PDE4B: variants seen among roughly 807,000 people sequenced by gnomAD.
The protein encoded by PDE4B is 3',5'-cyclic-AMP phosphodiesterase 4B.
In PDE4B, 20 loss-of-function variants were observed where a neutral mutation model predicts 82.2. The observed-to-expected ratio is 0.24, with a 90% CI of 0.17 to 0.35. The LOEUF (loss-of-function observed/expected upper bound fraction) is 0.35, where lower values mean the gene tolerates loss of function less well. Among genes scored for constraint, PDE4B ranks in the 10% least tolerant of loss-of-function variants. PDE4B has a pLI of 1.00. For synonymous variants in PDE4B, 320 were observed against 318.9 expected (o/e 1.00, Z -0.04); for missense variants, 655 against 907.2 (o/e 0.72, Z 3.57).
At chr1:65,842,173 G>C (rs771383650) in intron 1 of PDE4B, among the ~76,000 whole-genome samples, 1 of 152,066 alleles carries the variant, frequency 6.6e-6, no homozygotes, top group Non-Finnish European at 1.5e-5. Flanking sequence ...TGCTAATCCA[G>C]TCATGCCAGG....
At chr1:66,277,806 C>G (rs566852059) in intron 7 of PDE4B, among the ~76,000 whole-genome samples, 1 of 152,312 alleles carries the variant, frequency 6.6e-6, no homozygotes, top group South Asian at 2.1e-4. Context: ...CAGCTCCTGC[C>G]CCTTCCATGT....
At chr1:66,365,458 A>G (rs1156553806) in intron 12 of PDE4B, among the ~76,000 whole-genome samples, 1 of 152,180 alleles carries the variant, frequency 6.6e-6, no homozygotes, top group African/African-American at 2.4e-5. Flanking sequence ...GCTTGATGTG[A>G]GATTGAGCTC....
chr1:66,115,067 T>C (rs1320452242), intron 3 of PDE4B, among the ~76,000 whole-genome samples: 1 of 152,226 alleles, frequency 6.6e-6, no homozygotes, highest in African/African-American at 2.4e-5. Context: ...ATAATGTTTC[T>C]CTCCATAATT....
chr1:66,293,160 G>GGGGA (rs1035029861), intron 7 of PDE4B, among the ~76,000 whole-genome samples: 2 of 152,226 alleles, frequency 1.3e-5, no homozygotes, highest in Admixed American at 1.3e-4. Flanking sequence ...GAGGTCAGGC[G>GGGGA]GGGAGGGAGG....
At chr1:66,112,957 T>C (rs1397353055) in intron 3 of PDE4B, among the ~76,000 whole-genome samples, 1 of 152,218 alleles carries the variant, frequency 6.6e-6, no homozygotes, top group Non-Finnish European at 1.5e-5. Context: ...TGGGATTATA[T>C]TGCACTTTGT....
intron 3 of PDE4B, among the ~76,000 whole-genome samples, chr1:66,033,029 G>A (rs1653876033): frequency 2.0e-5 from 3 of 151,922 alleles, no homozygotes; most frequent in Admixed American, 2.0e-4. Context: ...CTTCTTCCTT[G>A]CTTCTATTTG....
intron 7 of PDE4B, among the ~76,000 whole-genome samples, chr1:66,270,459 G>A (rs17128715): frequency 0.025 from 3,750 of 152,234 alleles, 75 homozygotes; most frequent in African/African-American, 0.05. Flanking sequence ...AGTTATCTTC[G>A]ATTTTAAGGA....
At chr1:66,317,130 C>T (rs1248009222) in intron 7 of PDE4B, among the ~76,000 whole-genome samples, 1 of 152,132 alleles carries the variant, frequency 6.6e-6, no homozygotes, top group South Asian at 2.1e-4. Flanking sequence ...GTTTGTCTAC[C>T]CACAGAGGCT....
At chr1:65,905,592 A>G (rs1647020332) in intron 1 of PDE4B, among the ~76,000 whole-genome samples, 1 of 152,160 alleles carries the variant, frequency 6.6e-6, no homozygotes, top group Non-Finnish European at 1.5e-5. Flanking sequence ...GCTGGGGATT[A>G]ATATAAGGAA....
At chr1:65,842,253 A>G (rs1646215456) in intron 1 of PDE4B, among the ~76,000 whole-genome samples, 1 of 152,100 alleles carries the variant, frequency 6.6e-6, no homozygotes, top group Non-Finnish European at 1.5e-5. Context: ...GTCTCTCAAC[A>G]TTAAGAAAGT....
rs1438691675 is a variant in PDE4B at position 66,374,443 on chromosome 1, T to C, written c.*1765T>C. 6.6e-6 allele frequency: 1 copy of C among 152,644 alleles called. No individual in the cohort carries two copies. Among genetic ancestry groups the C allele is most frequent in the Non-Finnish European group, 1.5e-5 (1 of 68,044 alleles). 9.5% of individuals were successfully genotyped at this position (152,644 alleles called of 1,614,324 possible). A position where few individuals can be genotyped will look rare whatever the true frequency, so the allele number is the denominator to read the frequency against. On this transcript the variant is annotated 3_prime_UTR_variant, in exon 17 of 17. Transcript: ENST00000341517. Reference sequence around the variant, plus strand: ...CCAATGTATGTCTATGAACACTGCATTGTTTCAGGTGGACATTTTATCATT... The same window carrying C: ...CCAATGTATGTCTATGAACACTGCACTGTTTCAGGTGGACATTTTATCATT...
chr1:66,163,684 T>C (rs1187631031), intron 3 of PDE4B, among the ~76,000 whole-genome samples: 7 of 152,220 alleles, frequency 4.6e-5, no homozygotes, highest in Non-Finnish European at 5.9e-5. Flanking sequence ...TGTAAAATTG[T>C]TGAGTGAAAT....
At chr1:66,228,050 C>A (rs1427738498) in intron 3 of PDE4B, among the ~76,000 whole-genome samples, 1 of 152,246 alleles carries the variant, frequency 6.6e-6, no homozygotes, top group African/African-American at 2.4e-5. Flanking sequence ...TCCAGCCACA[C>A]TGGCCTACTT....
intron 3 of PDE4B, among the ~76,000 whole-genome samples, chr1:66,235,198 G>T (rs1018768942): frequency 6.6e-6 from 1 of 152,066 alleles, no homozygotes; most frequent in African/African-American, 2.4e-5. Context: ...GACGTTTCAC[G>T]TGCACTTGAA....
At chr1:65,865,188 A>AC (rs896603978) in intron 1 of PDE4B, among the ~76,000 whole-genome samples, 14 of 152,116 alleles carry the variant, frequency 9.2e-5, no homozygotes, top group African/African-American at 3.4e-4. Context: ...TCAGGGGAAA[A>AC]CCGCCTACTC....
intron 3 of PDE4B, among the ~76,000 whole-genome samples, chr1:65,949,965 C>A (rs1486580016): frequency 6.6e-6 from 1 of 152,010 alleles, no homozygotes; most frequent in Admixed American, 6.6e-5. Flanking sequence ...AGACTGAGAT[C>A]CAGCTTTCTC....
intron 3 of PDE4B, among the ~76,000 whole-genome samples, chr1:66,199,696 G>T (rs988133566): frequency 1.3e-5 from 2 of 151,562 alleles, no homozygotes; most frequent in Non-Finnish European, 2.9e-5. Flanking sequence ...TCTAATTTAG[G>T]CCTTAAGTAG....
chr1:66,361,918 T>C, intron 10 of PDE4B, 125 bp downstream of exon 10: 1 of 725,766 alleles, frequency 1.4e-6, no homozygotes, highest in Non-Finnish European at 2.1e-6. Context: ...TTAGGGAAGC[T>C]CATATGAAAT....
At chr1:66,308,335 C>A (rs1570665218) in intron 7 of PDE4B, among the ~76,000 whole-genome samples, 1 of 151,986 alleles carries the variant, frequency 6.6e-6, no homozygotes, top group Non-Finnish European at 1.5e-5. Context: ...GGATTTTTTT[C>A]CGGAAACTTA....
Sources: gnomAD v4.1 joint callset for allele counts (sites outside exome capture counted in the v4.1 genomes callset) on GRCh38, gnomAD v4.1.1 for gene constraint, MANE v1.5 for transcripts, NCBI Gene and HGNC (gene_info 2026-07-23, HGNC 2026-07-21) for gene names.